TMPRSS15: variants seen among roughly 807,000 people sequenced by gnomAD.
TMPRSS15 encodes the protein transmembrane serine protease 15.
A neutral mutation model predicts 125.3 loss-of-function variants in TMPRSS15; 128 were observed. The observed-to-expected ratio is 1.02, with a 90% CI of 0.89 to 1.18. The LOEUF is 1.18. Among genes scored for constraint, TMPRSS15 ranks in the 50% most tolerant of loss-of-function variants. TMPRSS15 has a pLI of 0.00. For missense variants in TMPRSS15, 1,283 were observed against 1,212.7 expected (o/e 1.06, Z -0.86); for synonymous variants, 446 against 423.2 (o/e 1.05, Z -0.66).
At chr21:18,437,554 G>A (rs1023819000) in intron 1 of TMPRSS15, among the ~76,000 whole-genome samples, 1 of 152,084 alleles carries the variant, frequency 6.6e-6, no homozygotes, top group African/African-American at 2.4e-5. Context: ...CAAAATGGGA[G>A]AAAATTTTCG....
chr21:18,412,901 T>G (rs2076169635), intron 1 of TMPRSS15, among the ~76,000 whole-genome samples: 1 of 152,154 alleles, frequency 6.6e-6, no homozygotes, highest in Admixed American at 6.5e-5. Context: ...TAATAACATG[T>G]TCAGTTAAAT....
At chr21:18,415,056 G>C (rs1011748126) in intron 1 of TMPRSS15, among the ~76,000 whole-genome samples, 1 of 151,952 alleles carries the variant, frequency 6.6e-6, no homozygotes, top group East Asian at 1.9e-4. Context: ...CACCCTAAAG[G>C]TGTGAGGTAA....
chr21:18,296,319 C>T (rs1267043489), intron 19 of TMPRSS15, among the ~76,000 whole-genome samples: 1 of 152,118 alleles, frequency 6.6e-6, no homozygotes, highest in Non-Finnish European at 1.5e-5. Context: ...ACATAATCAT[C>T]TATGCAATAA....
At chr21:18,484,756 T>C (rs1168927464) in intron 1 of TMPRSS15, among the ~76,000 whole-genome samples, 1 of 151,834 alleles carries the variant, frequency 6.6e-6, no homozygotes, top group Non-Finnish European at 1.5e-5. Flanking sequence ...GTGCTCTATA[T>C]TCTGTTCCCA....
intron 1 of TMPRSS15, among the ~76,000 whole-genome samples, chr21:18,455,107 T>C (rs551861939): frequency 6.6e-6 from 1 of 152,214 alleles, no homozygotes; most frequent in Admixed American, 6.5e-5. Context: ...AGGGTTTTTT[T>C]CCTTCCTTCA....
At chr21:18,273,820 C>A (rs2074588949) in intron 24 of TMPRSS15, among the ~76,000 whole-genome samples, 1 of 152,134 alleles carries the variant, frequency 6.6e-6, no homozygotes, top group Non-Finnish European at 1.5e-5. Flanking sequence ...TCCTATTTGT[C>A]TTGAATTTGC....
At chr21:18,342,230 G>A (rs1476852862) in intron 12 of TMPRSS15, among the ~76,000 whole-genome samples, 1 of 152,180 alleles carries the variant, frequency 6.6e-6, no homozygotes, top group Non-Finnish European at 1.5e-5. Flanking sequence ...TGTAGAAGAG[G>A]AAAGACATAA....
intron 1 of TMPRSS15, among the ~76,000 whole-genome samples, chr21:18,425,092 A>G (rs1331422052): frequency 6.6e-6 from 1 of 151,786 alleles, no homozygotes; most frequent in Admixed American, 6.6e-5. Flanking sequence ...ATAATATGAT[A>G]CAGAATAGTA....
chr21:18,343,612 A>G lies in TMPRSS15; in HGVS notation c.1322T>C (p.Ile441Thr), dbSNP rs766881927. The stretch of plus-strand genomic sequence containing the variant: ...CTTCTCCATATTTTGGTCATTGCTG[A>G]TATTAATGCTTAATTTATGGACATT... ...GENVHKLSIN[I>T]SNDQNMEKTV... The change falls in exon 12 of 25, where the codon ATC becomes ACC. Residue 441 changes from isoleucine (I) to threonine (T), a missense_variant. Physicochemically the swap from Ile to Thr is moderately conservative, Grantham distance 89. Transcript: ENST00000284885. 3.7e-6 allele frequency: 6 copies of G among 1,613,684 alleles called. No individual in the cohort carries two copies. The highest frequency in any genetic ancestry group is 1.7e-4 in the Middle Eastern group (1 of 6,012).
At chr21:18,451,434 G>A (rs1978338461) in intron 1 of TMPRSS15, among the ~76,000 whole-genome samples, 1 of 151,384 alleles carries the variant, frequency 6.6e-6, no homozygotes. Context: ...ACGATTTTGT[G>A]CAAAACTACA....
chr21:18,354,844 C>T (rs1168918551), intron 8 of TMPRSS15, among the ~76,000 whole-genome samples: 7 of 151,724 alleles, frequency 4.6e-5, no homozygotes, highest in Non-Finnish European at 1.0e-4. Flanking sequence ...AAATACCATA[C>T]TTGCAGATAG....
At chr21:18,355,731 G>A (rs1380837941) in intron 8 of TMPRSS15, among the ~76,000 whole-genome samples, 1 of 151,806 alleles carries the variant, frequency 6.6e-6, no homozygotes, top group African/African-American at 2.4e-5. Context: ...TAATTCTCAT[G>A]TAAGACAGTG....
At chr21:18,383,031 T>A (rs1421078840) in intron 4 of TMPRSS15, among the ~76,000 whole-genome samples, 1 of 152,176 alleles carries the variant, frequency 6.6e-6, no homozygotes, top group African/African-American at 2.4e-5. Context: ...CTCTACTTTT[T>A]TCTTCTTTTT....
At chr21:18,326,399 T>C in intron 16 of TMPRSS15, 33 bp downstream of exon 16, 1 of 1,614,022 alleles carries the variant, frequency 6.2e-7, no homozygotes, top group Non-Finnish European at 8.5e-7. Context: ...GCTCCAAAAG[T>C]TATGATGCAA....
chr21:18,476,811 C>A (rs548954873), intron 1 of TMPRSS15, among the ~76,000 whole-genome samples: 1 of 152,148 alleles, frequency 6.6e-6, no homozygotes, highest in Non-Finnish European at 1.5e-5. Flanking sequence ...TAGTACTTGA[C>A]TAATGGTTAG....
chr21:18,439,131 G>T (rs999503215), intron 1 of TMPRSS15, among the ~76,000 whole-genome samples: 2 of 152,250 alleles, frequency 1.3e-5, no homozygotes, highest in Admixed American at 6.5e-5. Flanking sequence ...GCCATTTGAG[G>T]TTTACACATA....
intron 13 of TMPRSS15, among the ~76,000 whole-genome samples, chr21:18,341,163 G>C (rs1395213356): frequency 3.9e-5 from 6 of 152,142 alleles, no homozygotes. Flanking sequence ...TCAGGCTCAA[G>C]AGTCCCTCCT....
Position 18,269,865 on chromosome 21 carries a change from C to A in TMPRSS15, c.*104G>T. Reference sequence around the variant, plus strand: ...CATTGACATAGGTAAGAATAAAAACCTTTGGTAACTTTTTAAAATTTTTGT... The same window carrying A: ...CATTGACATAGGTAAGAATAAAAACATTTGGTAACTTTTTAAAATTTTTGT... On this transcript the variant is annotated 3_prime_UTR_variant, in exon 25 of 25. Coordinates refer to ENST00000284885, the MANE Select transcript of TMPRSS15 (RefSeq NM_002772.3). 1 of 1,439,494 alleles carries A rather than the reference C, an allele frequency of 6.9e-7. No homozygotes were observed. The highest frequency in any genetic ancestry group is 9.5e-7 in the Non-Finnish European group (1 of 1,049,366). The allele number at this position is 1,439,494 out of a possible 1,614,324, so 89.2% of individuals were successfully genotyped here.
Position 18,269,531 on chromosome 21 carries a change from C to A in TMPRSS15, c.*438G>T. The A allele has an allele frequency of 6.2e-6, 1 of 161,268 alleles. No individual in the cohort carries two copies. The highest frequency in any genetic ancestry group is 1.4e-5 in the Non-Finnish European group (1 of 73,804). 10.0% of individuals were successfully genotyped at this position (161,268 alleles called of 1,614,324 possible). A position where few individuals can be genotyped will look rare whatever the true frequency, so the allele number is the denominator to read the frequency against. On this transcript the variant is annotated 3_prime_UTR_variant, in exon 25 of 25. Transcript: ENST00000284885. The stretch of plus-strand genomic sequence containing the variant: ...TTTCTGCTAATAGCAGCAAACTAAA[C>A]TGGAACTAGAAAATTTATGGCAGTT...
Sources: allele counts gnomAD v4.1 joint callset (sites outside exome capture counted in the v4.1 genomes callset), GRCh38; gene constraint gnomAD v4.1.1; transcripts MANE v1.5; gene names NCBI Gene and HGNC (gene_info 2026-07-23, HGNC 2026-07-21).